The following KLHL29 variants were observed in gnomAD, a reference collection of about 807,000 sequenced individuals.
KLHL29 encodes the protein kelch like family member 29.
In KLHL29, 21 loss-of-function variants were observed where a neutral mutation model predicts 80.4. The observed-to-expected ratio is 0.26, with a 90% CI of 0.19 to 0.38. The LOEUF is 0.38. KLHL29 is among the 10% of genes least tolerant of loss of function. The pLI, the probability that KLHL29 is intolerant of heterozygous loss-of-function variation, is 1.00. For missense variants in KLHL29, 867 were observed against 1,223.9 expected, an observed-to-expected ratio of 0.71 and a Z score of 4.35; for synonymous variants, 511 against 526.8, an observed-to-expected ratio of 0.97 and a Z score of 0.41.
rs370584281 is a variant in KLHL29 at position 23,436,722 on chromosome 2, C to T, written c.-153-38838C>T. Reference sequence around the variant, plus strand: ...GGAGATGCAGCCTGGCTTCCGCAGCCGTGGAGAAAATGAGAATGATTTTTG... The same window carrying T: ...GGAGATGCAGCCTGGCTTCCGCAGCTGTGGAGAAAATGAGAATGATTTTTG... On this transcript the variant is annotated intron_variant, in intron 1 of 13. Transcript: ENST00000486442. Among the ~76,000 whole-genome samples the T allele has an allele frequency of 3.3e-4, 51 of 152,272 alleles. 3 individuals are homozygous for T. Among genetic ancestry groups the T allele is most frequent in the African/African-American group, 1.1e-3 (44 of 41,552 alleles).
chr2:23,389,254 C>T (rs567599063), intron 1 of KLHL29, among the ~76,000 whole-genome samples: 5 of 152,076 alleles, frequency 3.3e-5, no homozygotes, highest in East Asian at 1.9e-4. Flanking sequence ...TACTTAAATG[C>T]GAGTGATGAT....
chr2:23,580,763 G>T (rs1390285456), intron 3 of KLHL29, among the ~76,000 whole-genome samples: 1 of 84,302 alleles, frequency 1.2e-5, no homozygotes, highest in Admixed American at 1.1e-4. Flanking sequence ...TGGATCACAA[G>T]GTCAAGAGAT....
intron 3 of KLHL29, among the ~76,000 whole-genome samples, chr2:23,565,528 GC>G (rs953370797): frequency 7.2e-5 from 11 of 152,162 alleles, no homozygotes; most frequent in African/African-American, 2.4e-4. Flanking sequence ...GGGGGAAGAG[GC>G]CGTCTAGCGG....
intron 2 of KLHL29, among the ~76,000 whole-genome samples, chr2:23,495,011 T>G (rs559657393): frequency 9.9e-5 from 15 of 152,200 alleles, no homozygotes; most frequent in Non-Finnish European, 2.1e-4. Flanking sequence ...AGTGCCTCTG[T>G]TGGAAGGAAA....
Position 23,618,579 on chromosome 2 carries a change from C to A in KLHL29, c.286-20560C>A, listed in dbSNP as rs139280591. The stretch of plus-strand genomic sequence containing the variant: ...ACATCCGCTCTTCTTGGGTCTCAAG[C>A]CTGCAGGCTTTTGGACTGGAACTAT... On this transcript the variant is annotated intron_variant, in intron 3 of 13. Transcript: ENST00000486442. 4.3e-4 allele frequency among the ~76,000 whole-genome samples: 66 copies of A among 152,314 alleles called. 3 individuals carry two copies. The East Asian group carries it at 8.1e-3, about 19-fold the overall frequency.
chr2:23,692,411 C>T (rs181609317), intron 7 of KLHL29, among the ~76,000 whole-genome samples: 4 of 152,350 alleles, frequency 2.6e-5, no homozygotes, highest in African/African-American at 4.8e-5. Context: ...GCTGCCTTTA[C>T]GCTTGATGCT....
intron 3 of KLHL29, among the ~76,000 whole-genome samples, chr2:23,584,880 G>T (rs896477735): frequency 1.5e-4 from 23 of 152,302 alleles, no homozygotes; most frequent in African/African-American, 5.5e-4. Context: ...GGGATTACAG[G>T]CGCCTGCCAC....
intron 12 of KLHL29, 87 bp from the exon 13 acceptor site, chr2:23,703,632 C>G: frequency 7.0e-7 from 1 of 1,421,892 alleles, no homozygotes; most frequent in Non-Finnish European, 9.3e-7. Context: ...TTTCGAGCTT[C>G]CTTCCCTGGA....
intron 1 of KLHL29, among the ~76,000 whole-genome samples, chr2:23,435,372 A>G (rs1397678121): frequency 6.6e-6 from 1 of 152,156 alleles, no homozygotes; most frequent in Admixed American, 6.5e-5. Context: ...TGGCCTGTCA[A>G]GTGGAGGCTG....
chr2:23,569,330 C>T lies in KLHL29; in HGVS notation c.285+6849C>T, dbSNP rs116125088. Among the ~76,000 whole-genome samples, 1,173 of 152,276 alleles carry T rather than the reference C, an allele frequency of 7.7e-3. 19 individuals carry two copies. Among genetic ancestry groups the T allele is most frequent in the African/African-American group, 0.027 (1,117 of 41,532 alleles). ...ATTCGGTAACCACAGATTCGGACAGCCTAGTGCCTCTTTCTCCCTAATAGG... is the reference window on the plus strand; with the variant it reads ...ATTCGGTAACCACAGATTCGGACAGTCTAGTGCCTCTTTCTCCCTAATAGG... On this transcript the variant is annotated intron_variant, in intron 3 of 13. Transcript: ENST00000486442.
At position 23,457,081 on chromosome 2, in the gene KLHL29, C is replaced by A. The variant is rs1305295000; in HGVS notation, c.-153-18479C>A. Among the ~76,000 whole-genome samples, 1 of 152,238 alleles carries A rather than the reference C, an allele frequency of 6.6e-6. No individual in the cohort carries two copies. The highest frequency in any genetic ancestry group is 6.5e-5 in the Admixed American group (1 of 15,288). ...GCCCCTCCCCAGGCATCTGCTGAGACCCTCCCTTGTGCCAGGCCCTGTGCC... is the reference window on the plus strand; with the variant it reads ...GCCCCTCCCCAGGCATCTGCTGAGAACCTCCCTTGTGCCAGGCCCTGTGCC... On this transcript the variant is annotated intron_variant, in intron 1 of 13. Coordinates refer to ENST00000486442, the MANE Select transcript of KLHL29 (RefSeq NM_052920.2). The surrounding 1 kb of genome is among the most constrained non-coding windows in gnomAD (Gnocchi z 4.3).
chr2:23,544,873 G>A (rs1431380613), intron 2 of KLHL29, among the ~76,000 whole-genome samples: 2 of 152,202 alleles, frequency 1.3e-5, no homozygotes, highest in African/African-American at 4.8e-5. Flanking sequence ...AGAGAGGGGA[G>A]TGAGCACCAG....
intron 2 of KLHL29, among the ~76,000 whole-genome samples, chr2:23,532,808 C>A (rs577801048): frequency 2.0e-5 from 3 of 152,100 alleles, no homozygotes; most frequent in Non-Finnish European, 2.9e-5. Context: ...CTCTGCAAAT[C>A]GAGGCGCGTT....
intron 1 of KLHL29, among the ~76,000 whole-genome samples, chr2:23,393,305 G>C (rs1031570015): frequency 3.3e-5 from 5 of 152,164 alleles, no homozygotes; most frequent in Admixed American, 1.3e-4. Context: ...TGCTATATTT[G>C]GGCATATATC....
intron 3 of KLHL29, among the ~76,000 whole-genome samples, chr2:23,582,664 A>G (rs946437522): frequency 3.3e-5 from 5 of 152,166 alleles, no homozygotes; most frequent in African/African-American, 1.2e-4. Context: ...ACAATTTCCC[A>G]GTTCCACTCC....
In KLHL29 at chr2:23,695,166, T is replaced by C. The variant is rs1671871366; in HGVS notation, c.1543-457T>C. On this transcript the variant is annotated intron_variant, in intron 8 of 13. Transcript: ENST00000486442. The surrounding 1 kb of genome is among the most constrained non-coding windows in gnomAD (Gnocchi z 7.6). ...GACACAGGCTCCCACGGCTGAGACTTACAAGCTCAATAGTCGCCATCTCCT... is the reference window on the plus strand; with the variant it reads ...GACACAGGCTCCCACGGCTGAGACTCACAAGCTCAATAGTCGCCATCTCCT... Among the ~76,000 whole-genome samples, 1 of 152,128 alleles carries C rather than the reference T, an allele frequency of 6.6e-6. No individual in the cohort carries two copies.
intron 3 of KLHL29, among the ~76,000 whole-genome samples, chr2:23,568,693 C>T (rs1234253104): frequency 6.6e-6 from 1 of 152,222 alleles, no homozygotes; most frequent in Non-Finnish European, 1.5e-5. Flanking sequence ...AGAGACCCCA[C>T]CTCTTGATGG....
intron 2 of KLHL29, chr2:23,524,126 T>C (rs1057445429): frequency 6.7e-6 from 3 of 447,008 alleles, no homozygotes; most frequent in African/African-American, 6.1e-5. Flanking sequence ...GAGATGCAAG[T>C]GTTCCCATTT....
intron 5 of KLHL29, chr2:23,667,215 AGTGT>A (rs1292862716): frequency 3.3e-5 from 5 of 152,240 alleles, no homozygotes; most frequent in Admixed American, 2.0e-4. Context: ...TATGTATGGA[AGTGT>A]GTATTTATTT....
Sources: allele counts gnomAD v4.1 joint callset (sites outside exome capture counted in the v4.1 genomes callset), GRCh38; gene constraint gnomAD v4.1.1; non-coding constraint Gnocchi (gnomAD v3.1); transcripts MANE v1.5; gene names NCBI Gene and HGNC (gene_info 2026-07-23, HGNC 2026-07-21).